Variants in TMEM163 observed in about 807,000 individuals in gnomAD.
TMEM163 encodes transmembrane protein 163.
TMEM163 carries 17 observed loss-of-function variants against 29.3 expected under a neutral mutation model. The observed-to-expected ratio is 0.58, with a 90% CI of 0.40 to 0.87. TMEM163 has a LOEUF of 0.87. Among genes scored for constraint, TMEM163 ranks in the 40% least tolerant of loss-of-function variants. The probability of loss-of-function intolerance (pLI) is 0.00; values close to 1 mark genes in which losing one functional copy is unlikely to be tolerated. For synonymous variants in TMEM163, 157 were observed against 160.6 expected, an observed-to-expected ratio of 0.98 and a Z score of 0.17; for missense variants, 303 against 381.5, an observed-to-expected ratio of 0.79 and a Z score of 1.71.
intron 5 of TMEM163, among the ~76,000 whole-genome samples, chr2:134,476,873 A>G (rs935701782): frequency 6.6e-6 from 1 of 152,182 alleles, no homozygotes; most frequent in Non-Finnish European, 1.5e-5. Context: ...CTACATGATT[A>G]TCATCACTGC....
At chr2:134,649,069 A>C (rs1353077178) in intron 2 of TMEM163, among the ~76,000 whole-genome samples, 1 of 152,242 alleles carries the variant, frequency 6.6e-6, no homozygotes, top group Non-Finnish European at 1.5e-5. Context: ...ACATATCAAA[A>C]AGTTTAACAC....
At chr2:134,656,957 G>A (rs1331619190) in intron 2 of TMEM163, among the ~76,000 whole-genome samples, 2 of 152,172 alleles carry the variant, frequency 1.3e-5, no homozygotes, top group African/African-American at 4.8e-5. Flanking sequence ...CTTGATCATG[G>A]TGAATTAACT....
chr2:134,592,597 G>C (rs1450042145), intron 2 of TMEM163, among the ~76,000 whole-genome samples: 1 of 152,074 alleles, frequency 6.6e-6, no homozygotes, highest in Admixed American at 6.6e-5. Context: ...ATAACAAGGC[G>C]TGTGCTCCCT....
intron 2 of TMEM163, among the ~76,000 whole-genome samples, chr2:134,602,025 T>G (rs1682247296): frequency 6.6e-6 from 1 of 152,116 alleles, no homozygotes; most frequent in African/African-American, 2.4e-5. Flanking sequence ...CTCCCAAACT[T>G]GTCCTTCAAG....
intron 2 of TMEM163, among the ~76,000 whole-genome samples, chr2:134,687,982 A>G (rs1684382698): frequency 6.6e-6 from 1 of 152,204 alleles, no homozygotes; most frequent in African/African-American, 2.4e-5. Context: ...GGAAGGGCAT[A>G]GGAACCAAGG....
intron 4 of TMEM163, among the ~76,000 whole-genome samples, chr2:134,536,094 T>C (rs1047893736): frequency 2.0e-5 from 3 of 152,212 alleles, no homozygotes; most frequent in Admixed American, 1.3e-4. Context: ...ACGTGCACTT[T>C]TCAAGTCTCA....
At chr2:134,575,324 G>GC (rs1170729807) in intron 2 of TMEM163, among the ~76,000 whole-genome samples, 1 of 152,034 alleles carries the variant, frequency 6.6e-6, no homozygotes, top group Non-Finnish European at 1.5e-5. Context: ...CCATGGTCAG[G>GC]CCCCTACCCC....
In TMEM163 at chr2:134,491,350, T is replaced by A. The variant is rs546727871; in HGVS notation, c.555+11551A>T. On this transcript the variant is annotated intron_variant, in intron 5 of 7. Transcript: ENST00000281924. ...CCCTAGGATAAGTCTCCAAGGCCAC[T>A]GGGAAGATGGGGGTGGGGAGTTCAC... is the stretch of plus-strand genomic sequence containing the variant. Among the ~76,000 whole-genome samples, 20 of 152,278 alleles carry A rather than the reference T, an allele frequency of 1.3e-4. 1 individual carries two copies. The highest frequency in any genetic ancestry group is 5.2e-4 in the Admixed American group (8 of 15,306).
At chr2:134,691,307 G>A (rs980114083) in intron 2 of TMEM163, among the ~76,000 whole-genome samples, 4 of 152,128 alleles carry the variant, frequency 2.6e-5, no homozygotes, top group Admixed American at 6.5e-5. Context: ...AAGTAGACCC[G>A]TGTCCCTGGA....
chr2:134,624,846 G>A, intron 2 of TMEM163, among the ~76,000 whole-genome samples: 1 of 149,742 alleles, frequency 6.7e-6, no homozygotes, highest in East Asian at 2.0e-4. Context: ...GGAGGCGGAG[G>A]TTGCTGGGGG....
At chr2:134,693,111 C>G (rs1234838395) in intron 2 of TMEM163, among the ~76,000 whole-genome samples, 1 of 152,096 alleles carries the variant, frequency 6.6e-6, no homozygotes, top group African/African-American at 2.4e-5. Flanking sequence ...GCCACAGAAC[C>G]CTTGCTTTGT....
chr2:134,553,204 C>T (rs1574232079), intron 2 of TMEM163, among the ~76,000 whole-genome samples: 4 of 152,292 alleles, frequency 2.6e-5, no homozygotes, highest in South Asian at 2.1e-4. Context: ...TGGTCAGTGG[C>T]GCAGTAGAAG....
At chr2:134,499,739 C>T (rs556135801) in intron 5 of TMEM163, among the ~76,000 whole-genome samples, 134 of 152,350 alleles carry the variant, frequency 8.8e-4, no homozygotes, top group Middle Eastern at 3.4e-3. Flanking sequence ...ACAGAACCTA[C>T]AGTCACAGCT....
At chr2:134,694,365 G>A (rs1684535485) in intron 2 of TMEM163, among the ~76,000 whole-genome samples, 1 of 152,148 alleles carries the variant, frequency 6.6e-6, no homozygotes. Flanking sequence ...CCTAAAGAGG[G>A]TAACGAATCT....
chr2:134,559,674 CA>C (rs984351569), intron 2 of TMEM163, among the ~76,000 whole-genome samples: 4 of 152,056 alleles, frequency 2.6e-5, no homozygotes, highest in African/African-American at 9.7e-5. Flanking sequence ...TGGCTACATA[CA>C]AAAAGGGACT....
chr2:134,711,115 AT>A lies in TMEM163; in HGVS notation c.322+2084del, dbSNP rs564770883. ...AACATAACTTCGAAAGTCAGTTTAT[AT>A]TGCTTAATCTCTATTTATTTCCATT... On this transcript the variant is annotated intron_variant, in intron 2 of 7. Transcript: ENST00000281924. Among the ~76,000 whole-genome samples, 12 of 152,360 alleles carry A rather than the reference AT, an allele frequency of 7.9e-5. 1 individual carries two copies. The South Asian group carries it at 2.5e-3, about 32-fold the overall frequency.
chr2:134,668,347 G>A (rs1036594548), intron 2 of TMEM163, among the ~76,000 whole-genome samples: 3 of 152,128 alleles, frequency 2.0e-5, no homozygotes, highest in South Asian at 2.1e-4. Flanking sequence ...GAAGGGGAAG[G>A]ACGGCAGTGG....
chr2:134,528,860 C>A (rs1199890726), intron 4 of TMEM163, among the ~76,000 whole-genome samples: 2 of 152,158 alleles, frequency 1.3e-5, no homozygotes, highest in Admixed American at 1.3e-4. Context: ...AGAAGAAAAA[C>A]CATACTTGGG....
At chr2:134,678,633 C>A (rs148994538) in intron 2 of TMEM163, among the ~76,000 whole-genome samples, 1 of 152,188 alleles carries the variant, frequency 6.6e-6, no homozygotes, top group African/African-American at 2.4e-5. Context: ...GCTCAAGGCC[C>A]GTCTCTGCTA....
Sources: allele counts gnomAD v4.1 joint callset (sites outside exome capture counted in the v4.1 genomes callset), GRCh38; gene constraint gnomAD v4.1.1; transcripts MANE v1.5; gene names NCBI Gene and HGNC (gene_info 2026-07-23, HGNC 2026-07-21).